The following TRHDE variants were observed in gnomAD, a reference collection of about 807,000 sequenced individuals.
TRHDE encodes thyrotropin-releasing hormone-degrading ectoenzyme.
A neutral mutation model predicts 125.7 loss-of-function variants in TRHDE; 72 were observed. That is an observed-to-expected ratio of 0.57 (90% confidence interval 0.47 to 0.70). TRHDE has a LOEUF of 0.70. Ranked by LOEUF, TRHDE falls within the 30% of genes least tolerant of loss-of-function variation. The pLI is 0.00. For missense variants in TRHDE, 1,110 were observed against 1,327.1 expected (o/e 0.84, Z 2.54); for synonymous variants, 509 against 509.1 (o/e 1.00, Z 0.00).
At chr12:72,561,916 A>G (rs3817611) in intron 7 of TRHDE, among the ~76,000 whole-genome samples, 40,336 of 151,876 alleles carry the variant, frequency 0.27, 8,064 homozygotes, top group African/African-American at 0.54. Context: ...TTTGACTCTG[A>G]ATATCTGTAA....
chr12:72,432,552 C>T (rs191495528), intron 3 of TRHDE, among the ~76,000 whole-genome samples: 2,410 of 152,246 alleles, frequency 0.016, 22 homozygotes, highest in Non-Finnish European at 0.025. Flanking sequence ...GCAGAACCTT[C>T]CGGCCTTTCA....
intron 7 of TRHDE, among the ~76,000 whole-genome samples, chr12:72,558,258 A>G (rs889376635): frequency 6.6e-6 from 1 of 152,226 alleles, no homozygotes; most frequent in Non-Finnish European, 1.5e-5. Context: ...TATTTAACTT[A>G]GGAAGGAGGT....
chr12:72,400,124 A>T (rs1172661108), intron 3 of TRHDE, among the ~76,000 whole-genome samples: 1 of 152,100 alleles, frequency 6.6e-6, no homozygotes. Flanking sequence ...TTATTGGGTG[A>T]ATATAGAGTA....
chr12:72,615,775 A>G lies in TRHDE; in HGVS notation c.2322-3116A>G, dbSNP rs73334811. ...CCAAAACACATTTGGATAAGATACA[A>G]TGGAAATTATTTCTGCTCACATAAC... On this transcript the variant is annotated intron_variant, in intron 12 of 18. Transcript: ENST00000261180. 1.8e-3 allele frequency among the ~76,000 whole-genome samples: 267 copies of G among 152,236 alleles called. 3 individuals carry two copies. Among genetic ancestry groups the G allele is most frequent in the African/African-American group, 6.3e-3 (263 of 41,560 alleles).
At position 72,373,878 on chromosome 12, in the gene TRHDE, A is replaced by G. The variant is rs534416017; in HGVS notation, c.1189-4117A>G. Reference sequence around the variant, plus strand: ...AAAAGGGATTAGATTAGTATAGGACATTTGGGGCCCTTGTAAAAACCTTGG... The same window carrying G: ...AAAAGGGATTAGATTAGTATAGGACGTTTGGGGCCCTTGTAAAAACCTTGG... On this transcript the variant is annotated intron_variant, in intron 2 of 18. Transcript: ENST00000261180. Among the ~76,000 whole-genome samples, 6 of 152,286 alleles carry G rather than the reference A, an allele frequency of 3.9e-5. No individual in the cohort carries two copies. In the South Asian group the frequency reaches 1.0e-3, roughly 26 times the overall value.
rs527373281 is a variant in TRHDE at position 72,138,178 on chromosome 12, C to T, written n.279+32426C>T. Among the ~76,000 whole-genome samples the T allele has an allele frequency of 7.2e-5, 11 of 152,208 alleles. No homozygotes were observed. In the East Asian group the frequency reaches 2.1e-3, roughly 29 times the overall value. On this transcript the variant is annotated intron_variant and non_coding_transcript_variant, in intron 2 of 4. Transcript: ENST00000548156. ...GATCATGAGGTCAGGAGACTGAGAC[C>T]ATCCTGGCAAACATGGTGAAACCCT...
intron 2 of TRHDE, among the ~76,000 whole-genome samples, chr12:72,319,630 T>C (rs7972417): frequency 0.35 from 53,003 of 152,078 alleles, 9,934 homozygotes; most frequent in Non-Finnish European, 0.43. Flanking sequence ...GGCCATCAGA[T>C]TTTCTGAGTA....
At chr12:72,631,565 C>A (rs1873496350) in intron 15 of TRHDE, among the ~76,000 whole-genome samples, 1 of 151,826 alleles carries the variant, frequency 6.6e-6, no homozygotes, top group South Asian at 2.1e-4. Context: ...AAATACATTT[C>A]AGCAAAATCA....
At chr12:72,660,414 A>C (rs1185498277) in intron 18 of TRHDE, among the ~76,000 whole-genome samples, 2 of 152,118 alleles carry the variant, frequency 1.3e-5, no homozygotes, top group Non-Finnish European at 2.9e-5. Flanking sequence ...GACTCCTCCA[A>C]GGAAAGGAGA....
At chr12:72,457,653 T>G (rs1301163930) in intron 3 of TRHDE, among the ~76,000 whole-genome samples, 1 of 152,166 alleles carries the variant, frequency 6.6e-6, no homozygotes, top group African/African-American at 2.4e-5. Context: ...TTGGTTCCTT[T>G]GGATTATATG....
In TRHDE at chr12:72,380,714, CCTTCCTTCCTTCCTTCCTTG is replaced by C. The variant is rs1401733310; in HGVS notation, c.1315+2613_1315+2632del. 4.3e-4 allele frequency among the ~76,000 whole-genome samples: 54 copies of C among 125,876 alleles called. 1 individual carries two copies. The highest frequency in any genetic ancestry group is 1.6e-3 in the African/African-American group (42 of 25,714). 82.6% of individuals were successfully genotyped at this position (125,876 alleles called of 152,430 possible). ...CAGGCTGCAGCTTCCTTCCTTCCTT[CCTTCCTTCCTTCCTTCCTTG>C]CTTCCTTCCTTCCTTCCTTCCTTCC... is the stretch of plus-strand genomic sequence containing the variant. On this transcript the variant is annotated intron_variant, in intron 3 of 18. Transcript: ENST00000261180.
chr12:72,457,102 G>C (rs919453962), intron 3 of TRHDE, among the ~76,000 whole-genome samples: 2 of 152,086 alleles, frequency 1.3e-5, no homozygotes, highest in Non-Finnish European at 2.9e-5. Flanking sequence ...ACCTGAATGG[G>C]GCATGGCATT....
At chr12:72,364,952 AC>A (rs1871281620) in intron 2 of TRHDE, among the ~76,000 whole-genome samples, 1 of 152,132 alleles carries the variant, frequency 6.6e-6, no homozygotes, top group Non-Finnish European at 1.5e-5. Context: ...CAAATGAACA[AC>A]CAAAAAGTGC....
intron 2 of TRHDE, among the ~76,000 whole-genome samples, chr12:72,153,256 T>G (rs191582464): frequency 7.9e-4 from 120 of 152,336 alleles, no homozygotes; most frequent in African/African-American, 2.6e-3. Context: ...CCTTTATCAT[T>G]TTTAATTGCG....
At chr12:72,404,208 G>A (rs987869319) in intron 3 of TRHDE, among the ~76,000 whole-genome samples, 3 of 152,158 alleles carry the variant, frequency 2.0e-5, no homozygotes, top group Non-Finnish European at 4.4e-5. Flanking sequence ...GAGCTCAGGA[G>A]TTCAAGACCA....
intron 12 of TRHDE, among the ~76,000 whole-genome samples, chr12:72,576,801 C>G (rs957430328): frequency 6.6e-6 from 1 of 152,052 alleles, no homozygotes; most frequent in Non-Finnish European, 1.5e-5. Flanking sequence ...ACATATTTGC[C>G]TAATAATTGA....
At chr12:72,192,954 C>T (rs111442870) in intron 2 of TRHDE, among the ~76,000 whole-genome samples, 17 of 152,030 alleles carry the variant, frequency 1.1e-4, no homozygotes, top group Middle Eastern at 3.4e-3. Context: ...TCATCATCAT[C>T]GTATCATTAT....
intron 2 of TRHDE, among the ~76,000 whole-genome samples, chr12:72,354,055 A>G (rs551762004): frequency 1.3e-5 from 2 of 151,764 alleles, no homozygotes; most frequent in Admixed American, 6.6e-5. Context: ...AGAAATGGAT[A>G]CCTTGTTATA....
intron 5 of TRHDE, among the ~76,000 whole-genome samples, chr12:72,485,676 G>A (rs1164818688): frequency 1.3e-5 from 2 of 152,114 alleles, no homozygotes; most frequent in African/African-American, 2.4e-5. Flanking sequence ...CAGCTAACTC[G>A]GAGTCCTGCC....
Sources: gnomAD v4.1 joint callset for allele counts (sites outside exome capture counted in the v4.1 genomes callset) on GRCh38, gnomAD v4.1.1 for gene constraint, MANE v1.5 for transcripts, NCBI Gene and HGNC (gene_info 2026-07-23, HGNC 2026-07-21) for gene names.